The following ZNF609 variants were observed in gnomAD, a reference collection of about 807,000 sequenced individuals.
The protein encoded by ZNF609 is zinc finger protein 609.
In ZNF609, 11 loss-of-function variants were observed where a neutral mutation model predicts 109.5. The ratio of observed to expected loss-of-function variants is 0.10; its 90% CI spans 0.06 to 0.17. The LOEUF (loss-of-function observed/expected upper bound fraction) is 0.17, where lower values mean the gene tolerates loss of function less well. ZNF609 is among the 10% of genes least tolerant of loss of function. ZNF609 has a pLI of 1.00. For missense variants in ZNF609, 1,559 were observed against 1,772.4 expected (o/e 0.88, Z 2.16); for synonymous variants, 646 against 662.0 (o/e 0.98, Z 0.37).
intron 3 of ZNF609, among the ~76,000 whole-genome samples, chr15:64,644,814 A>G (rs933094407): frequency 1.3e-5 from 2 of 152,168 alleles, no homozygotes; most frequent in Non-Finnish European, 2.9e-5. Context: ...GGACCAGGCA[A>G]TCATCTACTA....
At chr15:64,650,722 G>A (rs143445494) in intron 3 of ZNF609, among the ~76,000 whole-genome samples, 69 of 152,232 alleles carry the variant, frequency 4.5e-4, no homozygotes, top group Admixed American at 2.2e-3. Flanking sequence ...GGGGAGTTGG[G>A]GGTAGCTAGA....
In ZNF609 at chr15:64,620,553, T is replaced by C. The variant is rs537403822; in HGVS notation, c.748-2274T>C. Among the ~76,000 whole-genome samples the C allele has an allele frequency of 2.6e-5, 4 of 152,374 alleles. No individual in the cohort carries two copies. The East Asian group carries it at 7.7e-4, about 29-fold the overall frequency. On this transcript the variant is annotated intron_variant, in intron 2 of 9. Coordinates refer to ENST00000326648, the MANE Select transcript of ZNF609 (RefSeq NM_015042.2). ...TGCCCAGTTTTCAAGAGAGCAAATA[T>C]GCCTTTTGGCATTTATCATAAATGT...
rs573632605 is a variant in ZNF609, at chr15:64,622,964, T to C, written c.885T>C (p.Ala295=). ...RSVGVNTCDV[A]LATEPECLGP... is the part of the protein sequence containing the mutation. Reference sequence around the variant, plus strand: ...TTGGGGTCAACACATGTGATGTGGCTCTGGCCACAGAGCCTGAGTGCTTGG... The same window carrying C: ...TTGGGGTCAACACATGTGATGTGGCCCTGGCCACAGAGCCTGAGTGCTTGG... Residue 295 remains alanine (A), a synonymous_variant, in exon 3 of 10, where the codon GCT becomes GCC. Coordinates refer to ENST00000326648, the MANE Select transcript of ZNF609 (RefSeq NM_015042.2). The C allele has an allele frequency of 1.2e-6, 2 of 1,614,244 alleles. No homozygotes were observed. Among genetic ancestry groups the C allele is most frequent in the South Asian group, 2.2e-5 (2 of 91,084 alleles).
In ZNF609 at chr15:64,531,397, C is replaced by CATT. The variant is rs199784450; in HGVS notation, c.747+31247_747+31249dup. Among the ~76,000 whole-genome samples, 71 of 151,874 alleles carry CATT rather than the reference C, an allele frequency of 4.7e-4. No homozygotes were observed. The East Asian group carries it at 7.5e-3, about 16-fold the overall frequency. Reference sequence around the variant, plus strand: ...CAAATGCAAAGTGGATTATTCCAGACATTATTATTATTATTATTTGGGACA... The same window carrying CATT: ...CAAATGCAAAGTGGATTATTCCAGACATTATTATTATTATTATTATTTGGGACA... On this transcript the variant is annotated intron_variant, in intron 2 of 9. Transcript: ENST00000326648.
At chr15:64,618,622 G>A (rs1895834899) in intron 2 of ZNF609, among the ~76,000 whole-genome samples, 1 of 152,146 alleles carries the variant, frequency 6.6e-6, no homozygotes, top group Admixed American at 6.6e-5. Context: ...GGAGCCAGAA[G>A]GGAGATGGTT....
chr15:64,482,238 G>A (rs559372041), intron 1 of ZNF609, among the ~76,000 whole-genome samples: 2 of 152,178 alleles, frequency 1.3e-5, no homozygotes, highest in Non-Finnish European at 2.9e-5. Context: ...TAGTACAAAT[G>A]ATGATAGATG....
chr15:64,681,728 C>T lies in ZNF609; in HGVS notation c.*42C>T, dbSNP rs974316098. 16 of 216,348 alleles carry T rather than the reference C, an allele frequency of 7.4e-5. No homozygotes were observed. Among genetic ancestry groups the T allele is most frequent in the African/African-American group, 3.1e-4 (14 of 44,596 alleles). 13.4% of individuals were successfully genotyped at this position (216,348 alleles called of 1,614,324 possible). A position where few individuals can be genotyped will look rare whatever the true frequency, so the allele number is the denominator to read the frequency against. ...CCGGATAAAGTCAGCTTCACGGGCC[C>T]GGACTGGCTTACCCAAGGAGGTGCT... On this transcript the variant is annotated 3_prime_UTR_variant, in exon 10 of 10. Coordinates refer to ENST00000326648, the MANE Select transcript of ZNF609 (RefSeq NM_015042.2).
intron 2 of ZNF609, among the ~76,000 whole-genome samples, chr15:64,615,830 A>G (rs1895790403): frequency 6.6e-6 from 1 of 152,168 alleles, no homozygotes; most frequent in South Asian, 2.1e-4. Flanking sequence ...ATAATTCTGA[A>G]TAAATCTGAA....
chr15:64,515,700 G>A (rs1893795745), intron 2 of ZNF609, among the ~76,000 whole-genome samples: 1 of 152,036 alleles, frequency 6.6e-6, no homozygotes, highest in Non-Finnish European at 1.5e-5. Flanking sequence ...ACTTTGGGAG[G>A]CCGAGGCAGG....
intron 1 of ZNF609, among the ~76,000 whole-genome samples, chr15:64,472,068 G>A (rs1429359885): frequency 4.0e-5 from 6 of 151,554 alleles, no homozygotes; most frequent in African/African-American, 1.2e-4. Context: ...CTGCCACCAC[G>A]CCCAGCTAAT....
intron 2 of ZNF609, among the ~76,000 whole-genome samples, chr15:64,587,106 A>G (rs1313714351): frequency 6.6e-6 from 1 of 152,240 alleles, no homozygotes; most frequent in Non-Finnish European, 1.5e-5. Flanking sequence ...AGAACAGGAA[A>G]TGACATAATT....
intron 3 of ZNF609, among the ~76,000 whole-genome samples, chr15:64,649,933 A>G (rs186167693): frequency 1.1e-3 from 163 of 152,218 alleles, no homozygotes; most frequent in Non-Finnish European, 1.1e-3. Context: ...TTATCTAGGA[A>G]TAGAATAATA....
intron 3 of ZNF609, among the ~76,000 whole-genome samples, chr15:64,630,318 C>G (rs577407521): frequency 9.2e-5 from 14 of 151,760 alleles, no homozygotes; most frequent in African/African-American, 3.4e-4. Context: ...GTGATCCACC[C>G]GCCTCGGCCT....
At chr15:64,573,076 A>C (rs994310297) in intron 2 of ZNF609, among the ~76,000 whole-genome samples, 21 of 152,228 alleles carry the variant, frequency 1.4e-4, no homozygotes, top group African/African-American at 4.6e-4. Context: ...GGATGCATTC[A>C]TAGTACCTAG....
intron 3 of ZNF609, among the ~76,000 whole-genome samples, chr15:64,661,148 G>C (rs2141004786): frequency 6.6e-6 from 1 of 152,214 alleles, no homozygotes; most frequent in East Asian, 1.9e-4. Context: ...TTTTTGTAGA[G>C]ACAGGGTTTC....
At position 64,680,210 on chromosome 15, in the gene ZNF609, T is replaced by A. The variant is rs142205088; in HGVS notation, c.3795T>A (p.Ser1265=). The A allele has an allele frequency of 2.3e-4, 376 of 1,614,084 alleles. 1 individual carries two copies. The African/African-American group carries it at 2.6e-3, about 11-fold the overall frequency. The change falls in exon 7 of 10, where the codon TCT becomes TCA. Residue 1265 remains serine (S), a synonymous_variant. Transcript: ENST00000326648. ...YPGSYLPSSY[S]FSPYGSKVSG... is the part of the protein sequence containing the mutation. ...GTTCCTACCTGCCTTCCAGCTACTCTTTTTCCCCATATGGCAGCAAGGTCT... is the reference window on the plus strand; with the variant it reads ...GTTCCTACCTGCCTTCCAGCTACTCATTTTCCCCATATGGCAGCAAGGTCT...
chr15:64,679,849 G>A (rs1181485144), intron 6 of ZNF609, among the ~76,000 whole-genome samples: 1 of 152,170 alleles, frequency 6.6e-6, no homozygotes, highest in Non-Finnish European at 1.5e-5. Flanking sequence ...TCAGAGTAAG[G>A]TTTTGAGCCC....
chr15:64,642,087 G>T (rs1434749772), intron 3 of ZNF609, among the ~76,000 whole-genome samples: 1 of 152,162 alleles, frequency 6.6e-6, no homozygotes, highest in Non-Finnish European at 1.5e-5. Context: ...ATGAAATTTG[G>T]TAGGGCATGA....
intron 1 of ZNF609, among the ~76,000 whole-genome samples, chr15:64,498,902 G>T (rs1250686843): frequency 6.6e-6 from 1 of 152,178 alleles, no homozygotes; most frequent in Non-Finnish European, 1.5e-5. Flanking sequence ...AAAGCAAGGA[G>T]AAATGGGGGT....
Sources: gnomAD v4.1 joint callset for allele counts (sites outside exome capture counted in the v4.1 genomes callset) on GRCh38, gnomAD v4.1.1 for gene constraint, MANE v1.5 for transcripts, NCBI Gene and HGNC (gene_info 2026-07-23, HGNC 2026-07-21) for gene names.